The following DNAH17 variants were observed in gnomAD, a reference collection of about 807,000 sequenced individuals.
The protein encoded by DNAH17 is axonemal beta dynein heavy chain 17.
Under a neutral mutation model 485.6 loss-of-function variants are expected in DNAH17, and 376 were observed. The observed-to-expected ratio is 0.77, with a 90% CI of 0.71 to 0.84. The LOEUF (loss-of-function observed/expected upper bound fraction) is 0.84, where lower values mean the gene tolerates loss of function less well. DNAH17 is among the 40% of genes least tolerant of loss of function. DNAH17 has a pLI of 0.00. For missense variants in DNAH17, 6,370 were observed against 5,839.3 expected, an observed-to-expected ratio of 1.09 and a Z score of -2.96; for synonymous variants, 3,031 against 2,405.9, an observed-to-expected ratio of 1.26 and a Z score of -7.60.
At chr17:78,573,839 C>G (rs1205876700) in intron 2 of DNAH17, among the ~76,000 whole-genome samples, 1 of 152,014 alleles carries the variant, frequency 6.6e-6, no homozygotes, top group African/African-American at 2.4e-5. Flanking sequence ...GGTGTACAAG[C>G]GAAGCACACA....
Position 78,558,270 on chromosome 17 carries a change from A to T in DNAH17, c.2032-16T>A, listed in dbSNP as rs2092071720. On this transcript the variant is annotated splice_polypyrimidine_tract_variant and intron_variant, in intron 13 of 80. Coordinates refer to ENST00000389840, the MANE Select transcript of DNAH17 (RefSeq NM_173628.4). ...CTGCCACCAACTAAATGACAAACGAAGATCAAAGAACATGTCAGCAGGTCA... is the reference window on the plus strand; with the variant it reads ...CTGCCACCAACTAAATGACAAACGATGATCAAAGAACATGTCAGCAGGTCA... 6.2e-7 allele frequency: 1 copy of T among 1,612,268 alleles called. No homozygotes were observed. Among genetic ancestry groups the T allele is most frequent in the South Asian group, 1.1e-5 (1 of 90,662 alleles).
chr17:78,467,432 G>A (rs898629357), intron 55 of DNAH17, among the ~76,000 whole-genome samples: 1 of 152,240 alleles, frequency 6.6e-6, no homozygotes, highest in Non-Finnish European at 1.5e-5. Context: ...GATGACGTGA[G>A]GGTGCAGGAC....
chr17:78,434,890 ACT>A (rs1482348564), intron 74 of DNAH17, among the ~76,000 whole-genome samples: 1 of 151,968 alleles, frequency 6.6e-6, no homozygotes, highest in East Asian at 1.9e-4. Context: ...GGGGCCAGGC[ACT>A]CTGTGTGGGG....
intron 13 of DNAH17, among the ~76,000 whole-genome samples, chr17:78,560,274 G>A (rs764868949): frequency 3.3e-5 from 5 of 152,174 alleles, no homozygotes; most frequent in Admixed American, 6.5e-5. Flanking sequence ...AGGAAGAGCC[G>A]CATCTCTGGT....
At chr17:78,471,710 CCA>C (rs1413430192) in intron 54 of DNAH17, among the ~76,000 whole-genome samples, 4 of 152,100 alleles carry the variant, frequency 2.6e-5, no homozygotes, top group Admixed American at 1.3e-4. Flanking sequence ...GCTTTCACAG[CCA>C]CACTGTCCCA....
At chr17:78,485,934 G>C in intron 46 of DNAH17, 26 bp downstream of exon 46, 3 of 1,606,982 alleles carry the variant, frequency 1.9e-6, no homozygotes, top group Non-Finnish European at 2.5e-6. Flanking sequence ...ATCACCAGTC[G>C]GTGGCCCTGC....
rs1333521542 is a variant in DNAH17 at position 78,494,337 on chromosome 17, A to G, written c.6271-164T>C. On this transcript the variant is annotated intron_variant, in intron 40 of 80. Transcript: ENST00000389840. ...TCTGCTGTCAATGCCGAGAGTTGAC[A>G]TAGCTCCACCGCGACCTCATGCAGG... 6 of 1,161,988 alleles carry G rather than the reference A, an allele frequency of 5.2e-6. No individual in the cohort carries two copies. In the East Asian group the frequency reaches 1.3e-4, roughly 25 times the overall value. 72.0% of individuals were successfully genotyped at this position (1,161,988 alleles called of 1,614,324 possible).
At position 78,468,674 on chromosome 17, in the gene DNAH17, A is replaced by G. The variant is rs770553132; in HGVS notation, c.8721T>C (p.Asn2907=). The part of the protein sequence containing the change: ...MRPQVKSLGM[N]DTRETCWKFF... ...ACTTCCAACATGTTTCCCGAGTGTC[A>G]TTCATGCCAAGGGACTTGACTTGGG... The change falls in exon 55 of 81, where the codon AAT becomes AAC. Residue 2907 remains asparagine (N), a synonymous_variant. Coordinates refer to ENST00000389840, the MANE Select transcript of DNAH17 (RefSeq NM_173628.4). 8.1e-6 allele frequency: 13 copies of G among 1,613,902 alleles called. No homozygotes were observed. The South Asian group carries it at 1.3e-4, about 16-fold the overall frequency.
At chr17:78,429,924 G>T (rs1242002137) in intron 75 of DNAH17, among the ~76,000 whole-genome samples, 1 of 152,184 alleles carries the variant, frequency 6.6e-6, no homozygotes, top group Non-Finnish European at 1.5e-5. Flanking sequence ...CACATAGAGG[G>T]TTTGAGCAAG....
chr17:78,494,146 T>C lies in DNAH17; in HGVS notation c.6298A>G (p.Lys2100Glu). Residue 2100 changes from lysine to glutamate, a missense_variant, in exon 41 of 81, where the codon AAG becomes GAG. Lys to Glu is a moderately conservative substitution (Grantham distance 56). Coordinates refer to ENST00000389840, the MANE Select transcript of DNAH17 (RefSeq NM_173628.4). ...ACGAAGCTGTCCTCCGCCTGCAGCT[T>C]GAGCTCCACGATGCTCTGCTTGATG... The part of the protein sequence containing the change: ...KIIKQSIVEL[K>E]LQAEDSFVLK... 3 of 1,612,416 alleles carry C rather than the reference T, an allele frequency of 1.9e-6. No homozygotes were observed. Among genetic ancestry groups the C allele is most frequent in the South Asian group, 2.2e-5 (2 of 91,046 alleles).
intron 66 of DNAH17, 123 bp downstream of exon 66, chr17:78,451,346 C>T (rs2087542337): frequency 4.6e-6 from 4 of 868,908 alleles, no homozygotes; most frequent in Admixed American, 2.8e-5. Context: ...CACTGAGGCA[C>T]CTTCAGAGAG....
At chr17:78,442,097 T>C (rs1214064993) in intron 71 of DNAH17, among the ~76,000 whole-genome samples, 1 of 148,658 alleles carries the variant, frequency 6.7e-6, no homozygotes, top group Admixed American at 6.7e-5. Context: ...AAAAAAAAAT[T>C]AGTAAGATTT....
At chr17:78,465,271 G>A (rs555771343) in intron 56 of DNAH17, among the ~76,000 whole-genome samples, 269 of 151,936 alleles carry the variant, frequency 1.8e-3, no homozygotes, top group African/African-American at 6.2e-3. Flanking sequence ...GCGTGATCTC[G>A]GCTCGCTACA....
intron 58 of DNAH17, 147 bp downstream of exon 58, chr17:78,461,397 G>C: frequency 1.2e-6 from 1 of 826,982 alleles, no homozygotes; most frequent in Non-Finnish European, 1.7e-6. Context: ...CTCCTTCGGG[G>C]GTCCCACTGG....
At position 78,459,873 on chromosome 17, in the gene DNAH17, C is replaced by A. The variant is rs758610200; in HGVS notation, c.9564G>T (p.Lys3188Asn). ...AGGTGTCCACCTTGCCCATCATGAT[C>A]TTGGCCGCCTTCCAGCTCTTGTCCT... Reference protein sequence around the residue: ...IPKDKSWKAAKIMMGKVDTFL... With the variant: ...IPKDKSWKAANIMMGKVDTFL... The change falls in exon 60 of 81, where the codon AAG becomes AAT. Residue 3188 changes from lysine to asparagine, a missense_variant. Lys to Asn is a moderately conservative substitution (Grantham distance 94, BLOSUM62 0). Transcript: ENST00000389840. 1 of 1,614,054 alleles carries A rather than the reference C, an allele frequency of 6.2e-7. No homozygotes were observed. The highest frequency in any genetic ancestry group is 8.5e-7 in the Non-Finnish European group (1 of 1,179,902).
chr17:78,572,624 AGTGGGGTGGGGGGTGGG>A, intron 3 of DNAH17, 60 bp downstream of exon 3: 2 of 1,154,642 alleles, frequency 1.7e-6, no homozygotes, highest in Non-Finnish European at 1.1e-6. Flanking sequence ...AGTGGGGTGG[AGTGGGGTGGGGGGTGGG>A]GGTCAAGCAT....
intron 38 of DNAH17, 93 bp downstream of exon 38, chr17:78,495,782 C>G: frequency 6.8e-7 from 1 of 1,464,068 alleles, no homozygotes; most frequent in Non-Finnish European, 9.2e-7. Flanking sequence ...AGCTTGCCCT[C>G]TGCCCCTCCC....
At chr17:78,570,833 G>A in intron 6 of DNAH17, 115 bp downstream of exon 6, 1 of 642,738 alleles carries the variant, frequency 1.6e-6, no homozygotes, top group Non-Finnish European at 2.4e-6. Context: ...ACTCTAGCCT[G>A]GTGACAGAGC....
In DNAH17 at chr17:78,525,314, G is replaced by A. The variant is rs1412798377; in HGVS notation, c.3712-153C>T. ...ACAACGGTGTCCCACCTGGAGGGAG[G>A]ACAGAGCCCTCCATCCCCCAAGGCC... On this transcript the variant is annotated intron_variant, in intron 24 of 80. Transcript: ENST00000389840. 3.3e-5 allele frequency among the ~76,000 whole-genome samples: 5 copies of A among 152,302 alleles called. No homozygotes were observed. In the East Asian group the frequency reaches 9.7e-4, roughly 29 times the overall value.
Sources: gnomAD v4.1 joint callset for allele counts (sites outside exome capture counted in the v4.1 genomes callset) on GRCh38, gnomAD v4.1.1 for gene constraint, MANE v1.5 for transcripts, NCBI Gene and HGNC (gene_info 2026-07-23, HGNC 2026-07-21) for gene names.